KLHL29: variants seen among roughly 807,000 people sequenced by gnomAD.
The protein encoded by KLHL29 is kelch-like protein 29.
In KLHL29, 21 loss-of-function variants were observed where a neutral mutation model predicts 80.4. The observed-to-expected ratio is 0.26, with a 90% CI of 0.19 to 0.38. The LOEUF (loss-of-function observed/expected upper bound fraction) is 0.38. Ranked by LOEUF, KLHL29 falls within the 10% of genes least tolerant of loss-of-function variation. The pLI is 1.00. For synonymous variants in KLHL29, 511 were observed against 526.8 expected, an observed-to-expected ratio of 0.97 and a Z score of 0.41; for missense variants, 867 against 1,223.9, an observed-to-expected ratio of 0.71 and a Z score of 4.35.
At chr2:23,442,855 C>T (rs572674240) in intron 1 of KLHL29, among the ~76,000 whole-genome samples, 36 of 152,282 alleles carry the variant, frequency 2.4e-4, no homozygotes, top group African/African-American at 8.2e-4. Flanking sequence ...AGACATTTGA[C>T]AGACCAGAAT....
chr2:23,597,189 A>G (rs769327429), intron 3 of KLHL29, among the ~76,000 whole-genome samples: 2 of 151,468 alleles, frequency 1.3e-5, no homozygotes, highest in Non-Finnish European at 2.9e-5. Context: ...GATTGAGGTC[A>G]CATCTCTGGG....
At chr2:23,470,355 C>T (rs148039273) in intron 1 of KLHL29, among the ~76,000 whole-genome samples, 9 of 152,214 alleles carry the variant, frequency 5.9e-5, no homozygotes, top group Non-Finnish European at 1.2e-4. Flanking sequence ...AGAAGGGTGA[C>T]GGCAGCTGGA....
intron 2 of KLHL29, among the ~76,000 whole-genome samples, chr2:23,542,649 C>T (rs1382516025): frequency 6.6e-6 from 1 of 152,232 alleles, no homozygotes; most frequent in African/African-American, 2.4e-5. Flanking sequence ...GTCCTTCCTG[C>T]ATTCTCTCCC....
chr2:23,552,396 C>G (rs1200655378), intron 2 of KLHL29, among the ~76,000 whole-genome samples: 1 of 152,166 alleles, frequency 6.6e-6, no homozygotes, highest in Non-Finnish European at 1.5e-5. Context: ...GTACATCAAT[C>G]ACACCTCAAT....
intron 2 of KLHL29, among the ~76,000 whole-genome samples, chr2:23,560,713 G>C (rs1019061361): frequency 6.6e-6 from 1 of 152,238 alleles, no homozygotes; most frequent in African/African-American, 2.4e-5. Flanking sequence ...CTGGGCTGCA[G>C]GGTGGGTTCA....
At position 23,703,355 on chromosome 2, in the gene KLHL29, A is replaced by T; in HGVS notation, c.2275A>T (p.Ser759Cys). The change falls in exon 12 of 14, where the codon AGC (serine) becomes TGC (cysteine). Residue 759 changes from serine to cysteine, a missense_variant. By Grantham distance (112) the Ser-to-Cys change is moderately radical. Transcript: ENST00000486442. ...TTACGTTCCTCAGACCAACACGTGG[A>T]GCTTCATCGAGTCCCCAATGATTGG... ...QSYVPQTNTW[S>C]FIESPMIDNK... The T allele has an allele frequency of 1.3e-6, 2 of 1,517,724 alleles. No homozygotes were observed. Among genetic ancestry groups the T allele is most frequent in the Admixed American group, 4.3e-5 (2 of 46,546 alleles). 94.0% of individuals were successfully genotyped at this position (1,517,724 alleles called of 1,614,324 possible).
At chr2:23,455,667 A>G (rs1664030361) in intron 1 of KLHL29, among the ~76,000 whole-genome samples, 1 of 138,962 alleles carries the variant, frequency 7.2e-6, no homozygotes, top group African/African-American at 2.8e-5. Context: ...GCTGGAGTGC[A>G]GTGGCACCAT....
chr2:23,427,236 A>G (rs893429), intron 1 of KLHL29, among the ~76,000 whole-genome samples: 12,321 of 152,190 alleles, frequency 0.081, 784 homozygotes, highest in African/African-American at 0.18. Flanking sequence ...TCTGGGCTGA[A>G]TATTTTTGCG....
At chr2:23,539,970 G>C (rs1224509338) in intron 2 of KLHL29, among the ~76,000 whole-genome samples, 1 of 152,114 alleles carries the variant, frequency 6.6e-6, no homozygotes, top group Non-Finnish European at 1.5e-5. Context: ...ATCCTCCTCT[G>C]TAATCCTCAT....
rs1274011262 is a variant in KLHL29, at chr2:23,696,487, G to C, written c.2079G>C (p.Val693=). 6.5e-7 allele frequency: 1 copy of C among 1,539,410 alleles called. No homozygotes were observed. The part of the protein sequence containing the change: ...GKIYTLGGLG[V]AGNVDHVERY... ...TTTACACCCTCGGGGGACTTGGCGT[G>C]GCAGGCAACGTGGACCACGTGGAGA... Residue 693 remains valine (V), a synonymous_variant, in exon 11 of 14, where the codon GTG becomes GTC. Coordinates refer to ENST00000486442, the MANE Select transcript of KLHL29 (RefSeq NM_052920.2). The surrounding 1 kb of genome is among the most constrained non-coding windows in gnomAD (Gnocchi z 5.5).
chr2:23,402,897 C>T (rs1393896454), intron 1 of KLHL29, among the ~76,000 whole-genome samples: 1 of 150,712 alleles, frequency 6.6e-6, no homozygotes. Context: ...TCCCTGATTT[C>T]TTTAAATCTA....
intron 2 of KLHL29, among the ~76,000 whole-genome samples, chr2:23,501,282 C>T (rs1025782729): frequency 6.6e-6 from 1 of 151,936 alleles, no homozygotes; most frequent in African/African-American, 2.4e-5. Context: ...GTATCAGCCC[C>T]CTATTCCTGC....
intron 3 of KLHL29, among the ~76,000 whole-genome samples, chr2:23,563,447 T>G (rs1057464867): frequency 6.6e-6 from 1 of 152,206 alleles, no homozygotes; most frequent in Non-Finnish European, 1.5e-5. Flanking sequence ...AGGAGCCCCC[T>G]TGGGGCAGTG....
rs1298886716 is a variant in KLHL29, at chr2:23,707,440, T to G, written c.*776T>G. 1 of 152,220 alleles carries G rather than the reference T, an allele frequency of 6.6e-6. No individual in the cohort carries two copies. Among genetic ancestry groups the G allele is most frequent in the African/African-American group, 2.4e-5 (1 of 41,454 alleles). 9.4% of individuals were successfully genotyped at this position (152,220 alleles called of 1,614,324 possible). On this transcript the variant is annotated 3_prime_UTR_variant, in exon 14 of 14. Coordinates refer to ENST00000486442, the MANE Select transcript of KLHL29 (RefSeq NM_052920.2). ...GAGGAGCAGGCCACAAGAGGGATAA[T>G]GTTGTGGGAATTCCCAAAGCTCTTT...
intron 2 of KLHL29, among the ~76,000 whole-genome samples, chr2:23,486,825 C>T (rs778420890): frequency 3.9e-5 from 6 of 152,164 alleles, no homozygotes; most frequent in Non-Finnish European, 7.3e-5. Context: ...TGAAGCCCTC[C>T]TTCACCACTC....
chr2:23,537,065 C>T (rs1270107103), intron 2 of KLHL29, among the ~76,000 whole-genome samples: 1 of 152,146 alleles, frequency 6.6e-6, no homozygotes, highest in African/African-American at 2.4e-5. Context: ...GGTGCACATG[C>T]TACTCTGGTC....
At chr2:23,411,772 T>C (rs570333565) in intron 1 of KLHL29, among the ~76,000 whole-genome samples, 1 of 152,280 alleles carries the variant, frequency 6.6e-6, no homozygotes, top group South Asian at 2.1e-4. Context: ...AAAGATTGGT[T>C]CTGAGGGTCT....
At chr2:23,614,015 C>T (rs753470197) in intron 3 of KLHL29, among the ~76,000 whole-genome samples, 2 of 152,058 alleles carry the variant, frequency 1.3e-5, no homozygotes, top group Non-Finnish European at 2.9e-5. Flanking sequence ...TCCTTGTGGA[C>T]AAAGGACAGA....
rs1261877822 is a variant in KLHL29, at chr2:23,642,540, C to T, written c.630C>T (p.Pro210=). The change falls in exon 5 of 14, where the codon CCC becomes CCT. Residue 210 remains proline, a synonymous_variant. Coordinates refer to ENST00000486442, the MANE Select transcript of KLHL29 (RefSeq NM_052920.2). ...MPGHYSLPQP[P]SQPLSSVVVN... ...GCCACTACTCGCTCCCTCAGCCGCC[C>T]TCTCAGCCACTGAGCAGCGTGGTGG... 2 of 1,540,700 alleles carry T rather than the reference C, an allele frequency of 1.3e-6. No homozygotes were observed. The highest frequency in any genetic ancestry group is 2.5e-5 in the East Asian group (1 of 40,562).
Sources: allele counts gnomAD v4.1 joint callset (sites outside exome capture counted in the v4.1 genomes callset), GRCh38; gene constraint gnomAD v4.1.1; non-coding constraint Gnocchi (gnomAD v3.1); transcripts MANE v1.5; gene names NCBI Gene and HGNC (gene_info 2026-07-23, HGNC 2026-07-21).